The following TFEC variants were observed in gnomAD, a reference collection of about 807,000 sequenced individuals.
TFEC encodes the protein transcription factor EC, also known as class E basic helix-loop-helix protein 34.
TFEC carries 31 observed loss-of-function variants against 41.6 expected under a neutral mutation model. The ratio of observed to expected loss-of-function variants is 0.74; its 90% CI spans 0.56 to 1.01. TFEC has a LOEUF of 1.01. Among genes scored for constraint, TFEC ranks in the 50% least tolerant of loss-of-function variants. The pLI is 0.00. For synonymous variants in TFEC, 143 were observed against 140.6 expected (o/e 1.02, Z -0.12); for missense variants, 402 against 404.1 (o/e 0.99, Z 0.04).
chr7:116,105,163 CAT>C (rs999109257), intron 3 of TFEC, among the ~76,000 whole-genome samples: 6 of 152,022 alleles, frequency 3.9e-5, no homozygotes, highest in African/African-American at 1.2e-4. Flanking sequence ...ACCAAGAAAT[CAT>C]ATGTTTTCTC....
At chr7:116,098,867 AAAGGAAGGAAGGAAGGAAGGAAGG>A (rs59276209) in intron 3 of TFEC, among the ~76,000 whole-genome samples, 61 of 115,114 alleles carry the variant, frequency 5.3e-4, no homozygotes, top group African/African-American at 1.6e-3. Context: ...GAGAGGAAGA[AAAGGAAGGAAGGAAGGAAGGAAGG>A]AAGGAAGGAA....
In TFEC at chr7:116,008,977, A is replaced by T. The variant is rs146725797; in HGVS notation, c.-73+21656T>A. On this transcript the variant is annotated intron_variant, in intron 1 of 7. Transcript: ENST00000265440. ...GGTGTGTCTTTGAGAAAAGATCCAC[A>T]CTTAAAAGACTAAAAAGACATGAGT... Among the ~76,000 whole-genome samples the T allele has an allele frequency of 3.9e-5, 6 of 152,336 alleles. No homozygotes were observed. The East Asian group carries it at 1.2e-3, about 29-fold the overall frequency.
At chr7:116,095,446 A>T (rs1399553094) in intron 3 of TFEC, among the ~76,000 whole-genome samples, 1 of 152,114 alleles carries the variant, frequency 6.6e-6, no homozygotes, top group Admixed American at 6.6e-5. Flanking sequence ...ACACACATAC[A>T]CATATACATA....
chr7:116,059,226 C>T (rs993406456), intron 3 of TFEC, among the ~76,000 whole-genome samples: 1 of 151,826 alleles, frequency 6.6e-6, no homozygotes, highest in Non-Finnish European at 1.5e-5. Context: ...GTGTATATGA[C>T]AACTTCATGC....
At chr7:116,027,371 A>C (rs555080046) in intron 1 of TFEC, among the ~76,000 whole-genome samples, 1 of 152,252 alleles carries the variant, frequency 6.6e-6, no homozygotes, top group East Asian at 1.9e-4. Flanking sequence ...ACTTGAGTCC[A>C]GGGGTTTGAG....
chr7:116,065,700 C>T (rs1328771728), intron 3 of TFEC, among the ~76,000 whole-genome samples: 2 of 152,044 alleles, frequency 1.3e-5, no homozygotes, highest in Non-Finnish European at 2.9e-5. Context: ...TCATAAAAGC[C>T]TTGTTGAACC....
intron 1 of TFEC, among the ~76,000 whole-genome samples, chr7:116,153,968 T>G (rs1270299270): frequency 1.3e-5 from 2 of 152,198 alleles, no homozygotes; most frequent in Non-Finnish European, 2.9e-5. Flanking sequence ...TTTTAAAATC[T>G]CATGTCTGTG....
chr7:116,128,506 T>A (rs566423868), intron 1 of TFEC, among the ~76,000 whole-genome samples: 4 of 152,270 alleles, frequency 2.6e-5, no homozygotes, highest in Non-Finnish European at 1.5e-5. Flanking sequence ...AATGATAAAC[T>A]ATGTCAATAT....
At chr7:116,138,585 A>G (rs548101312) in intron 1 of TFEC, among the ~76,000 whole-genome samples, 1 of 152,366 alleles carries the variant, frequency 6.6e-6, no homozygotes, top group South Asian at 2.1e-4. Flanking sequence ...AAGAGACAGA[A>G]TATAACTTTG....
intron 3 of TFEC, among the ~76,000 whole-genome samples, chr7:116,110,424 A>G (rs1797826752): frequency 6.6e-6 from 1 of 152,170 alleles, no homozygotes; most frequent in African/African-American, 2.4e-5. Context: ...TAGTAGTTGT[A>G]TCATGACAAT....
intron 1 of TFEC, chr7:116,112,058 G>C: frequency 1.0e-6 from 1 of 974,448 alleles, no homozygotes; most frequent in Non-Finnish European, 1.2e-6. Flanking sequence ...AAAAAAAAGA[G>C]AGAAGTTACT....
intron 1 of TFEC, among the ~76,000 whole-genome samples, chr7:116,114,798 A>G (rs1285753604): frequency 1.3e-5 from 2 of 152,156 alleles, no homozygotes; most frequent in South Asian, 2.1e-4. Context: ...AAGCATGCAA[A>G]GAAGGATGAC....
chr7:116,053,776 T>C (rs1177599966), intron 3 of TFEC, among the ~76,000 whole-genome samples: 1 of 152,212 alleles, frequency 6.6e-6, no homozygotes, highest in Non-Finnish European at 1.5e-5. Flanking sequence ...CTTGTGGCCC[T>C]ACAACTTTGG....
chr7:115,962,726 C>A (rs1012678255), intron 3 of TFEC, among the ~76,000 whole-genome samples: 1 of 151,750 alleles, frequency 6.6e-6, no homozygotes, highest in African/African-American at 2.4e-5. Context: ...AGAAAAAAAT[C>A]TATAAAACAA....
At chr7:116,024,646 T>C (rs574803185) in intron 1 of TFEC, among the ~76,000 whole-genome samples, 8 of 152,212 alleles carry the variant, frequency 5.3e-5, no homozygotes, top group Middle Eastern at 3.2e-3. Context: ...TCATAAAATA[T>C]ACTGTTTTGA....
At chr7:116,113,910 A>T (rs574264528) in intron 1 of TFEC, among the ~76,000 whole-genome samples, 36 of 152,168 alleles carry the variant, frequency 2.4e-4, no homozygotes, top group South Asian at 2.3e-3. Context: ...CTGAAGTAAT[A>T]ATGTTAATGA....
At chr7:116,064,997 A>G (rs1027350889) in intron 3 of TFEC, among the ~76,000 whole-genome samples, 3 of 152,180 alleles carry the variant, frequency 2.0e-5, no homozygotes, top group African/African-American at 7.2e-5. Context: ...GACACAAGAC[A>G]CAAGAGTGGA....
chr7:116,019,370 T>C (rs1795310644), intron 1 of TFEC, among the ~76,000 whole-genome samples: 2 of 152,218 alleles, frequency 1.3e-5, no homozygotes, highest in Non-Finnish European at 2.9e-5. Context: ...CTACCAACCA[T>C]ACTTCCTGTT....
chr7:116,091,114 A>T (rs900959452), intron 3 of TFEC, among the ~76,000 whole-genome samples: 21 of 152,116 alleles, frequency 1.4e-4, no homozygotes, highest in Non-Finnish European at 2.1e-4. Context: ...TAAGTATAAT[A>T]AAAAAAGGAA....
Sources: allele counts gnomAD v4.1 joint callset (sites outside exome capture counted in the v4.1 genomes callset), GRCh38; gene constraint gnomAD v4.1.1; transcripts MANE v1.5; gene names NCBI Gene and HGNC (gene_info 2026-07-23, HGNC 2026-07-21).